Variants in ADAMTS5 observed in about 807,000 individuals in gnomAD.
The protein encoded by ADAMTS5 is A disintegrin and metalloproteinase with thrombospondin motifs 5.
Under a neutral mutation model 81.4 loss-of-function variants are expected in ADAMTS5, and 54 were observed. That is an observed-to-expected ratio of 0.66 (90% CI 0.53 to 0.83). ADAMTS5 has a LOEUF of 0.83. ADAMTS5 is among the 40% of genes least tolerant of loss of function. The pLI, the probability that ADAMTS5 is intolerant of heterozygous loss-of-function variation, is 0.00. For missense variants in ADAMTS5, 1,194 were observed against 1,229.9 expected (o/e 0.97, Z 0.44); for synonymous variants, 532 against 508.8 (o/e 1.05, Z -0.61).
intron 2 of ADAMTS5, among the ~76,000 whole-genome samples, chr21:26,948,018 C>A (rs1414510677): frequency 6.6e-6 from 1 of 152,100 alleles, no homozygotes; most frequent in Non-Finnish European, 1.5e-5. Context: ...TATGAAAATT[C>A]TCTTTTTCAA....
chr21:26,927,345 T>C (rs910684494), intron 7 of ADAMTS5, among the ~76,000 whole-genome samples: 1 of 152,180 alleles, frequency 6.6e-6, no homozygotes, highest in Non-Finnish European at 1.5e-5. Flanking sequence ...GGTAAGAAGT[T>C]GCACAGTAGT....
rs140704436 is a variant in ADAMTS5 at position 26,949,258 on chromosome 21, T to C, written c.1237+5481A>G. On this transcript the variant is annotated intron_variant, in intron 2 of 7. Coordinates refer to ENST00000284987, the MANE Select transcript of ADAMTS5 (RefSeq NM_007038.5). ...TATCACCCAGGCTGGTGTGCAGTCA[T>C]GCTATCAAAGCCCACTGAAGCCTCC... 7.4e-3 allele frequency among the ~76,000 whole-genome samples: 1,120 copies of C among 151,572 alleles called. 12 individuals are homozygous for C. Among genetic ancestry groups the C allele is most frequent in the African/African-American group, 0.026 (1,067 of 41,316 alleles).
chr21:26,955,511 G>GAAT (rs1400721053), intron 1 of ADAMTS5, among the ~76,000 whole-genome samples: 10 of 152,074 alleles, frequency 6.6e-5, no homozygotes, highest in African/African-American at 2.4e-4. Flanking sequence ...GTGTATACAT[G>GAAT]AATATATGCA....
chr21:26,939,629 A>G (rs1258349591), intron 3 of ADAMTS5: 1 of 152,186 alleles, frequency 6.6e-6, no homozygotes, highest in African/African-American at 2.4e-5. Context: ...TTCCTTAGCA[A>G]CCTGTGTTGT....
In ADAMTS5 at chr21:26,954,767, G is replaced by A. The variant is rs774940785; in HGVS notation, c.1209C>T (p.His403=). 3.7e-6 allele frequency: 6 copies of A among 1,614,072 alleles called. No individual in the cohort carries two copies. Among genetic ancestry groups the A allele is most frequent in the South Asian group, 1.1e-5 (1 of 91,080 alleles). Residue 403 remains histidine, a synonymous_variant, in exon 2 of 8, where the codon CAC becomes CAT. Transcript: ENST00000284987. ...TTTCGTGAGCCACAGTGAAGGCTGC[G>A]TGGAGGCCATCGTCTTCAATCACAG... The part of the protein sequence containing the change: ...SCAVIEDDGL[H]AAFTVAHEIG...
chr21:26,930,102 A>G (rs772122655), intron 6 of ADAMTS5, 41 bp from the exon 7 acceptor site: 2 of 1,600,030 alleles, frequency 1.2e-6, no homozygotes, highest in Non-Finnish European at 1.7e-6. Flanking sequence ...AAATGTTTGC[A>G]TCAGTATTTG....
chr21:26,944,558 T>A (rs1029264186), intron 2 of ADAMTS5, among the ~76,000 whole-genome samples: 4 of 152,210 alleles, frequency 2.6e-5, no homozygotes, highest in African/African-American at 9.6e-5. Flanking sequence ...GACAGTAGTT[T>A]GAGCAATTAC....
At chr21:26,934,109 C>T (rs1407113557) in intron 4 of ADAMTS5, among the ~76,000 whole-genome samples, 1 of 152,166 alleles carries the variant, frequency 6.6e-6, no homozygotes, top group Non-Finnish European at 1.5e-5. Context: ...TACCTCCTTA[C>T]TGAATTTAAA....
rs577613414 is a variant in ADAMTS5 at position 26,947,507 on chromosome 21, C to T, written c.1238-3960G>A. On this transcript the variant is annotated intron_variant, in intron 2 of 7. Coordinates refer to ENST00000284987, the MANE Select transcript of ADAMTS5 (RefSeq NM_007038.5). The stretch of plus-strand genomic sequence containing the variant: ...GGAGTGCAAAGGCAAGATCTCTGCT[C>T]ACTGCAATCTCCACCTCCCGGGTTC... Among the ~76,000 whole-genome samples the T allele has an allele frequency of 2.6e-5, 4 of 151,662 alleles. No individual in the cohort carries two copies. In the East Asian group the frequency reaches 7.7e-4, roughly 29 times the overall value.
In ADAMTS5 at chr21:26,919,661, C is replaced by T. The variant is rs1217332417; in HGVS notation, c.*4392G>A. On this transcript the variant is annotated 3_prime_UTR_variant, in exon 8 of 8. Coordinates refer to ENST00000284987, the MANE Select transcript of ADAMTS5 (RefSeq NM_007038.5). ...TTTTGTATTTCAATATGTTCTCATA[C>T]ATTAAATAAATGAAACACAATTATA... 6.6e-6 allele frequency: 1 copy of T among 151,904 alleles called. No individual in the cohort carries two copies. Among genetic ancestry groups the T allele is most frequent in the Non-Finnish European group, 1.5e-5 (1 of 67,926 alleles). The allele number at this position is 151,904 out of a possible 1,614,324, so 9.4% of individuals were successfully genotyped here.
At chr21:26,956,298 T>C (rs961752156) in intron 1 of ADAMTS5, among the ~76,000 whole-genome samples, 13 of 152,216 alleles carry the variant, frequency 8.5e-5, no homozygotes, top group Admixed American at 6.5e-5. Flanking sequence ...CTGTTTATTA[T>C]GAGTTCCCAG....
At position 26,966,047 on chromosome 21, in the gene ADAMTS5, G is replaced by T. The variant is rs369773112; in HGVS notation, c.345C>A (p.Pro115=). Reference sequence around the variant, plus strand: ...AGGGCGCACTCGTCCCGCCTCCTGCGGGCACGAAGCCAGCAATGCCCACCG... The same window carrying T: ...AGGGCGCACTCGTCCCGCCTCCTGCTGGCACGAAGCCAGCAATGCCCACCG... ...DGSVGIAGFV[P]AGGGTSAPWR... The change falls in exon 1 of 8, where the codon CCC becomes CCA. Residue 115 remains proline, a synonymous_variant. Transcript: ENST00000284987. 1.9e-6 allele frequency: 3 copies of T among 1,613,242 alleles called. No homozygotes were observed. The highest frequency in any genetic ancestry group is 2.5e-6 in the Non-Finnish European group (3 of 1,179,946).
chr21:26,949,880 T>G (rs978439064), intron 2 of ADAMTS5, among the ~76,000 whole-genome samples: 3 of 152,228 alleles, frequency 2.0e-5, no homozygotes, highest in African/African-American at 7.2e-5. Flanking sequence ...CCTGGACATC[T>G]GATTCTGTGT....
In ADAMTS5 at chr21:26,951,933, C is replaced by T. The variant is rs377115453; in HGVS notation, c.1237+2806G>A. Among the ~76,000 whole-genome samples, 21 of 151,928 alleles carry T rather than the reference C, an allele frequency of 1.4e-4. No individual in the cohort carries two copies. The East Asian group carries it at 1.6e-3, about 11-fold the overall frequency. ...CTTTTGTCAGGCTATCTTTCCTAAA[C>T]GTTGAAGGCTTATTTTTTATAACAC... is the stretch of plus-strand genomic sequence containing the variant. On this transcript the variant is annotated intron_variant, in intron 2 of 7. Transcript: ENST00000284987.
chr21:26,946,801 G>A (rs540949566), intron 2 of ADAMTS5, among the ~76,000 whole-genome samples: 2 of 152,316 alleles, frequency 1.3e-5, no homozygotes, highest in East Asian at 3.9e-4. Context: ...GTTAGTTGAG[G>A]GTGAGGTTTT....
Position 26,924,336 on chromosome 21 carries a change from G to T in ADAMTS5, c.2510C>A (p.Thr837Lys). The change falls in exon 8 of 8, where the codon ACA (threonine) becomes AAA (lysine). Residue 837 changes from threonine to lysine, a missense_variant. Around this residue, in one of 2 missense-constraint regions of ADAMTS5, gnomAD observed 696 missense variants for 817.6 expected, o/e 0.85. Coordinates refer to ENST00000284987, the MANE Select transcript of ADAMTS5 (RefSeq NM_007038.5). ...GACATCTAATGGTTTAGTGGGGTCT[G>T]TTGCAAGAATCTGCACTATTAGAAT... The part of the protein sequence containing the change: ...KEILIVQILA[T>K]DPTKPLDVRY... 1.2e-6 allele frequency: 2 copies of T among 1,614,220 alleles called. No individual in the cohort carries two copies. The highest frequency in any genetic ancestry group is 8.5e-7 in the Non-Finnish European group (1 of 1,180,044).
At position 26,924,494 on chromosome 21, in the gene ADAMTS5, G is replaced by T. The variant is rs537646878; in HGVS notation, c.2352C>A (p.Tyr784Ter). Residue 784 changes from tyrosine (Y) to a stop codon, truncating the protein, a stop_gained, in exon 8 of 8, where the codon TAC becomes TAA. Transcript: ENST00000284987. LOFTEE classifies it high-confidence loss of function. ...AGATCATGTACTTTCCATTGATAAG[G>T]TACTCACCGTTTTTCTTTTTCAGGG... Reference protein sequence around the residue: ...YLALKKKNGEYLINGKYMIST... With the variant: ...YLALKKKNGE The T allele has an allele frequency of 3.1e-6, 5 of 1,614,040 alleles. No individual in the cohort carries two copies. The East Asian group carries it at 8.9e-5, about 29-fold the overall frequency.
intron 2 of ADAMTS5, chr21:26,953,846 C>T (rs980945268): frequency 3.9e-5 from 6 of 153,770 alleles, no homozygotes; most frequent in Non-Finnish European, 5.9e-5. Context: ...CAAAATAATT[C>T]CCTGAAATAG....
intron 1 of ADAMTS5, among the ~76,000 whole-genome samples, chr21:26,964,323 G>T (rs555128992): frequency 6.6e-6 from 1 of 152,160 alleles, no homozygotes; most frequent in Non-Finnish European, 1.5e-5. Context: ...TCACACTAAC[G>T]TAGTGGTCAA....
Sources: allele counts gnomAD v4.1 joint callset (sites outside exome capture counted in the v4.1 genomes callset), GRCh38; gene constraint gnomAD v4.1.1; regional missense constraint gnomAD v4.1.1; transcripts MANE v1.5; gene names NCBI Gene and HGNC (gene_info 2026-07-23, HGNC 2026-07-21).